VRK2: variants seen among roughly 807,000 people sequenced by gnomAD.
VRK2 encodes VRK serine/threonine kinase 2, also known as serine/threonine-protein kinase VRK2.
In VRK2, 60 loss-of-function variants were observed where a neutral mutation model predicts 57.6. The observed-to-expected ratio is 1.04, with a 90% CI of 0.85 to 1.29. The LOEUF (loss-of-function observed/expected upper bound fraction) is 1.29. Ranked by LOEUF, VRK2 falls within the 50% of genes most tolerant of loss-of-function variation. The pLI is 0.00. For missense variants in VRK2, 705 were observed against 588.1 expected (o/e 1.20, Z -2.06); for synonymous variants, 231 against 199.2 (o/e 1.16, Z -1.35).
In VRK2 at chr2:58,048,980, C is replaced by T; in HGVS notation, c.136+13C>T. The T allele has an allele frequency of 6.2e-7, 1 of 1,606,360 alleles. No homozygotes were observed. The highest frequency in any genetic ancestry group is 1.1e-5 in the South Asian group (1 of 89,744). ...TTGATATATTTAGGTAAAGTAAAAC[C>T]TTAAATTAACAATTATTCTTATATC... On this transcript the variant is annotated intron_variant, in intron 2 of 12. Transcript: ENST00000340157.
intron 7 of VRK2, among the ~76,000 whole-genome samples, chr2:58,115,402 G>A (rs997501988): frequency 6.6e-6 from 1 of 152,102 alleles, no homozygotes; most frequent in Non-Finnish European, 1.5e-5. Context: ...TCAGGTATGA[G>A]GAAGAAAATA....
In VRK2 at chr2:57,965,670, T is replaced by C. The variant is rs377533112; in HGVS notation, c.-439+57831T>C. On this transcript the variant is annotated intron_variant, in intron 1 of 15. Coordinates refer to the VRK2 transcript ENST00000417641. ...ATTAAAAATTAATAAACTGTATTTCTGATTTAGACATGACCTTTATTAGAC... is the reference window on the plus strand; with the variant it reads ...ATTAAAAATTAATAAACTGTATTTCCGATTTAGACATGACCTTTATTAGAC... Among the ~76,000 whole-genome samples the C allele has an allele frequency of 3.4e-4, 52 of 152,334 alleles. 1 individual carries two copies. The South Asian group carries it at 0.01, about 30-fold the overall frequency.
intron 3 of VRK2, among the ~76,000 whole-genome samples, chr2:58,040,415 T>C (rs1323966883): frequency 1.2e-4 from 19 of 152,212 alleles, no homozygotes; most frequent in Admixed American, 1.2e-3. Flanking sequence ...TCACTTGTCG[T>C]GTCCACTAGC....
intron 1 of VRK2, among the ~76,000 whole-genome samples, chr2:57,936,431 T>A (rs1473292375): frequency 6.6e-6 from 1 of 152,146 alleles, no homozygotes; most frequent in Non-Finnish European, 1.5e-5. Flanking sequence ...AGCCACACAA[T>A]GCTTAAGCAA....
chr2:58,070,508 C>G (rs1224015856), intron 2 of VRK2, among the ~76,000 whole-genome samples: 2 of 152,116 alleles, frequency 1.3e-5, no homozygotes, highest in East Asian at 3.9e-4. Flanking sequence ...AACCACTTCT[C>G]TTTCTCTTTT....
At chr2:58,094,445 C>G (rs1355593512) in intron 7 of VRK2, among the ~76,000 whole-genome samples, 2 of 152,178 alleles carry the variant, frequency 1.3e-5, no homozygotes, top group Non-Finnish European at 2.9e-5. Flanking sequence ...TGGGAGTTCA[C>G]TCATGATTTG....
rs754560145 is a variant in VRK2, at chr2:58,088,301, T to C, written c.345-40T>C. The C allele has an allele frequency of 3.5e-6, 5 of 1,412,792 alleles. No homozygotes were observed. The South Asian group carries it at 6.1e-5, about 17-fold the overall frequency. The allele number at this position is 1,412,792 out of a possible 1,614,324, so 87.5% of individuals were successfully genotyped here. A position where few individuals can be genotyped will look rare whatever the true frequency, so the allele number is the denominator to read the frequency against. On this transcript the variant is annotated intron_variant, in intron 5 of 12. Coordinates refer to ENST00000340157, the MANE Select transcript of VRK2 (RefSeq NM_006296.7). The stretch of plus-strand genomic sequence containing the variant: ...TTAAATAGACAGTTTCAAGCATTAC[T>C]TTCTCAGGATGATCTCTTTTTGATG...
intron 7 of VRK2, among the ~76,000 whole-genome samples, chr2:58,120,947 C>T (rs541990874): frequency 1.6e-3 from 239 of 152,310 alleles, no homozygotes; most frequent in Non-Finnish European, 2.5e-3. Flanking sequence ...TTAGTTCAAA[C>T]TCTCATCTAT....
intron 2 of VRK2, among the ~76,000 whole-genome samples, chr2:58,050,298 T>C (rs1341179055): frequency 6.6e-6 from 1 of 152,208 alleles, no homozygotes; most frequent in Non-Finnish European, 1.5e-5. Flanking sequence ...GTATCTAGTC[T>C]CAAGAGCCCA....
chr2:58,031,692 T>G (rs1674114916), intron 2 of VRK2, among the ~76,000 whole-genome samples: 1 of 152,084 alleles, frequency 6.6e-6, no homozygotes, highest in South Asian at 2.1e-4. Flanking sequence ...TCAAAACTTC[T>G]TCCTAAAATT....
At chr2:58,103,078 A>T (rs1004209501) in intron 7 of VRK2, among the ~76,000 whole-genome samples, 11 of 151,504 alleles carry the variant, frequency 7.3e-5, no homozygotes, top group Non-Finnish European at 1.5e-5. Context: ...TGGGATACAG[A>T]AAAAAGCACT....
intron 2 of VRK2, among the ~76,000 whole-genome samples, chr2:58,073,638 A>T (rs897247190): frequency 4.1e-5 from 4 of 98,532 alleles, no homozygotes; most frequent in East Asian, 2.7e-4. Context: ...TAATAGGATT[A>T]TATATATATA....
intron 1 of VRK2, among the ~76,000 whole-genome samples, chr2:57,995,101 G>T (rs1211948460): frequency 1.3e-5 from 2 of 152,268 alleles, no homozygotes; most frequent in Middle Eastern, 3.4e-3. Context: ...CATGACAAGT[G>T]GCAGTTTCTG....
chr2:57,935,487 T>A (rs924116442), intron 1 of VRK2, among the ~76,000 whole-genome samples: 1 of 152,196 alleles, frequency 6.6e-6, no homozygotes, highest in African/African-American at 2.4e-5. Context: ...TGTGAGATGC[T>A]TGCTTTTCCT....
At chr2:58,007,770 A>C (rs539016625) in intron 1 of VRK2, among the ~76,000 whole-genome samples, 1 of 152,218 alleles carries the variant, frequency 6.6e-6, no homozygotes, top group East Asian at 1.9e-4. Flanking sequence ...TTCAATGGTC[A>C]ACTGTATGCC....
chr2:58,094,008 T>C (rs1337353566), intron 7 of VRK2, among the ~76,000 whole-genome samples: 2 of 152,246 alleles, frequency 1.3e-5, no homozygotes, highest in African/African-American at 4.8e-5. Context: ...GGCTCTGTTC[T>C]GTTCCATTGG....
chr2:57,915,151 A>C (rs1242096048), intron 1 of VRK2, among the ~76,000 whole-genome samples: 59 of 152,204 alleles, frequency 3.9e-4, no homozygotes, highest in Non-Finnish European at 2.9e-5. Flanking sequence ...GAATAGGAAT[A>C]GTTACCTCAA....
chr2:57,922,223 T>C lies in VRK2; in HGVS notation c.-439+14384T>C, dbSNP rs376558605. ...AAAAATTGAATTATTGCCTTTAAAT[T>C]GAAAGAAATTAAAAAAACAGGAAAG... On this transcript the variant is annotated intron_variant, in intron 1 of 15. Coordinates refer to the VRK2 transcript ENST00000417641. Among the ~76,000 whole-genome samples the C allele has an allele frequency of 3.4e-4, 52 of 152,048 alleles. 1 individual carries two copies. In the South Asian group the frequency reaches 0.01, roughly 30 times the overall value.
chr2:57,914,763 A>G (rs527418906), intron 1 of VRK2, among the ~76,000 whole-genome samples: 2 of 152,334 alleles, frequency 1.3e-5, no homozygotes, highest in South Asian at 4.1e-4. Flanking sequence ...ATTGAGACAT[A>G]AAAAGAAACA....
Sources: allele counts gnomAD v4.1 joint callset (sites outside exome capture counted in the v4.1 genomes callset), GRCh38; gene constraint gnomAD v4.1.1; transcripts MANE v1.5; gene names NCBI Gene and HGNC (gene_info 2026-07-23, HGNC 2026-07-21).